The following TENM2 variants were observed in gnomAD, a reference collection of about 807,000 sequenced individuals.
The protein encoded by TENM2 is teneurin transmembrane protein 2, also known as teneurin-2.
In TENM2, 52 loss-of-function variants were observed where a neutral mutation model predicts 245.2. That is an observed-to-expected ratio of 0.21 (90% CI 0.17 to 0.27). The LOEUF (loss-of-function observed/expected upper bound fraction) is 0.27. Ranked by LOEUF, TENM2 falls within the 10% of genes least tolerant of loss-of-function variation. The pLI is 1.00. For missense variants in TENM2, 3,046 were observed against 3,666.8 expected (o/e 0.83, Z 4.37); for synonymous variants, 1,363 against 1,438.9 (o/e 0.95, Z 1.19).
chr5:167,822,010 G>C (rs1353285157), intron 2 of TENM2, among the ~76,000 whole-genome samples: 1 of 151,976 alleles, frequency 6.6e-6, no homozygotes, highest in Non-Finnish European at 1.5e-5. Context: ...CAGGGTTTTT[G>C]TTTGTTTGTT....
At chr5:167,478,377 G>A (rs1315984598) in intron 2 of TENM2, among the ~76,000 whole-genome samples, 2 of 152,140 alleles carry the variant, frequency 1.3e-5, no homozygotes, top group Non-Finnish European at 2.9e-5. Context: ...CCAGGAAACT[G>A]TCTCCTAATG....
chr5:167,412,430 G>T (rs553287994), intron 2 of TENM2, among the ~76,000 whole-genome samples: 1 of 152,204 alleles, frequency 6.6e-6, no homozygotes, highest in South Asian at 2.1e-4. Context: ...GGAGGCTAAG[G>T]TGGGTAGATT....
At chr5:167,715,612 A>G (rs565770597) in intron 2 of TENM2, among the ~76,000 whole-genome samples, 3 of 152,228 alleles carry the variant, frequency 2.0e-5, no homozygotes, top group Admixed American at 6.5e-5. Flanking sequence ...CCTAGGGACA[A>G]TAAGACTAAG....
chr5:167,601,663 A>G (rs1458350217), intron 2 of TENM2, among the ~76,000 whole-genome samples: 1 of 152,206 alleles, frequency 6.6e-6, no homozygotes, highest in Non-Finnish European at 1.5e-5. Flanking sequence ...TATGTCTGGA[A>G]TACTGTACCT....
At chr5:167,748,349 G>A (rs1362026239) in intron 2 of TENM2, among the ~76,000 whole-genome samples, 1 of 148,796 alleles carries the variant, frequency 6.7e-6, no homozygotes, top group African/African-American at 2.5e-5. Flanking sequence ...TAAGCTACTG[G>A]TTTTCCATTA....
intron 5 of TENM2, among the ~76,000 whole-genome samples, chr5:168,009,034 A>G (rs1196289142): frequency 6.6e-6 from 1 of 152,236 alleles, no homozygotes; most frequent in Admixed American, 6.5e-5. Flanking sequence ...GGTAAAAACT[A>G]AACTCTAAAA....
chr5:167,479,626 C>T (rs1767627918), intron 2 of TENM2, among the ~76,000 whole-genome samples: 1 of 152,040 alleles, frequency 6.6e-6, no homozygotes, highest in South Asian at 2.1e-4. Context: ...AAAATGGGCC[C>T]TTTACTTGAA....
chr5:167,794,611 G>A (rs962724272), intron 2 of TENM2, among the ~76,000 whole-genome samples: 16 of 152,222 alleles, frequency 1.1e-4, no homozygotes, highest in African/African-American at 1.7e-4. Context: ...TTTGAAGGAA[G>A]GAGAAAGAAG....
At chr5:167,246,009 G>A in the TENM2 span, among the ~76,000 whole-genome samples, 5 of 152,090 alleles carry the variant, frequency 3.3e-5, no homozygotes, top group African/African-American at 9.7e-5. Context: ...TGCTTCCCTT[G>A]TTCATTTCCT....
chr5:167,111,853 T>A, the TENM2 span, among the ~76,000 whole-genome samples: 1 of 152,218 alleles, frequency 6.6e-6, no homozygotes, highest in African/African-American at 2.4e-5. Flanking sequence ...TTCTTATTGT[T>A]TTCATTCCGT....
exon 19 of TENM2, chr5:168,204,487 C>G: frequency 1.2e-6 from 2 of 1,614,042 alleles, no homozygotes; most frequent in Non-Finnish European, 1.7e-6. Context: ...GCTGCAACGG[C>G]CTTGCTGAAG....
chr5:167,875,922 A>G (rs953495300), intron 2 of TENM2, 64 bp from the exon 5 acceptor site: 5 of 1,110,042 alleles, frequency 4.5e-6, no homozygotes, highest in Non-Finnish European at 6.6e-6. Flanking sequence ...TTTCAATGTA[A>G]CTTTCTTGGG....
chr5:167,944,345 C>T (rs1245427956), intron 3 of TENM2, among the ~76,000 whole-genome samples: 5 of 152,094 alleles, frequency 3.3e-5, no homozygotes, highest in Non-Finnish European at 7.4e-5. Context: ...TCCCAGCTCG[C>T]CCTCAGACAT....
intron 4 of TENM2, among the ~76,000 whole-genome samples, chr5:167,956,845 T>C (rs899013308): frequency 6.6e-6 from 1 of 152,164 alleles, no homozygotes; most frequent in Non-Finnish European, 1.5e-5. Flanking sequence ...GTGGAGAAGC[T>C]TTTTGATGTG....
the TENM2 span, among the ~76,000 whole-genome samples, chr5:167,153,679 A>G: frequency 6.6e-6 from 1 of 152,038 alleles, no homozygotes; most frequent in East Asian, 1.9e-4. Flanking sequence ...ATATATATAT[A>G]TATACACACA....
the TENM2 span, among the ~76,000 whole-genome samples, chr5:166,995,839 AAAAT>A: frequency 9.4e-3 from 1,376 of 146,886 alleles, 34 homozygotes; most frequent in African/African-American, 0.035. Flanking sequence ...AAAAAAAAAA[AAAAT>A]TTCTGTTCTC....
chr5:167,530,649 C>A (rs569228265), intron 2 of TENM2, among the ~76,000 whole-genome samples: 2 of 152,302 alleles, frequency 1.3e-5, no homozygotes, highest in Admixed American at 1.3e-4. Context: ...GAGCACGGAG[C>A]CATCGGCCCC....
intron 2 of TENM2, among the ~76,000 whole-genome samples, chr5:167,814,645 A>T (rs1008229953): frequency 6.6e-6 from 1 of 150,646 alleles, no homozygotes; most frequent in Non-Finnish European, 1.5e-5. Context: ...AAAAGTTTTA[A>T]TATTTATTTA....
At chr5:168,071,296 C>G (rs1011855222) in intron 7 of TENM2, among the ~76,000 whole-genome samples, 5 of 152,172 alleles carry the variant, frequency 3.3e-5, no homozygotes, top group Non-Finnish European at 5.9e-5. Flanking sequence ...ATTATGGTTT[C>G]AAAGCATTCA....
Sources: gnomAD v4.1 joint callset for allele counts (sites outside exome capture counted in the v4.1 genomes callset) on GRCh38, gnomAD v4.1.1 for gene constraint, MANE v1.5 for transcripts, NCBI Gene and HGNC (gene_info 2026-07-23, HGNC 2026-07-21) for gene names.